ZNF175: variants seen among roughly 807,000 people sequenced by gnomAD.
The protein encoded by ZNF175 is zinc finger protein 175.
ZNF175 carries 8 observed loss-of-function variants against 14.0 expected under a neutral mutation model. The observed-to-expected ratio is 0.57, with a 90% CI of 0.34 to 1.03. The LOEUF (loss-of-function observed/expected upper bound fraction) is 1.03. Ranked by LOEUF, ZNF175 falls within the 50% of genes least tolerant of loss-of-function variation. ZNF175 has a pLI of 0.03. For synonymous variants in ZNF175, 255 were observed against 296.8 expected (o/e 0.86, Z 1.45); for missense variants, 764 against 849.5 (o/e 0.90, Z 1.25).
rs78781060 is a variant in ZNF175, at chr19:51,579,477, A to G, written c.73-1914A>G. On this transcript the variant is annotated intron_variant, in intron 2 of 4. Transcript: ENST00000262259. ...TGTTTTTTAACCCAGTAGAAAACTG[A>G]AGAAGAGACTTGCTTGAATAGGCTG... Among the ~76,000 whole-genome samples, 594 of 152,166 alleles carry G rather than the reference A, an allele frequency of 3.9e-3. 27 individuals are homozygous for G. In the East Asian group the frequency reaches 0.079, roughly 20 times the overall value.
At chr19:51,577,795 C>T (rs1443645599) in intron 2 of ZNF175, among the ~76,000 whole-genome samples, 1 of 151,560 alleles carries the variant, frequency 6.6e-6, no homozygotes, top group Non-Finnish European at 1.5e-5. Flanking sequence ...TCCCGAGTAG[C>T]TGGGACTAAA....
chr19:51,574,461 G>A (rs1245296045), intron 2 of ZNF175, among the ~76,000 whole-genome samples: 1 of 152,184 alleles, frequency 6.6e-6, no homozygotes, highest in African/African-American at 2.4e-5. Context: ...GATCACTTGA[G>A]CCCAGGAGTT....
intron 2 of ZNF175, among the ~76,000 whole-genome samples, chr19:51,575,035 T>A (rs982030931): frequency 1.4e-4 from 22 of 152,242 alleles, no homozygotes; most frequent in Non-Finnish European, 2.8e-4. Context: ...TATTTTTATC[T>A]TTTCTAATGT....
At chr19:51,585,515 T>C (rs957021016) in intron 4 of ZNF175, among the ~76,000 whole-genome samples, 1 of 152,080 alleles carries the variant, frequency 6.6e-6, no homozygotes, top group African/African-American at 2.4e-5. Context: ...AAAAGTGTCC[T>C]TTTTTTAAAA....
intron 2 of ZNF175, among the ~76,000 whole-genome samples, chr19:51,577,060 C>T (rs985988243): frequency 1.3e-5 from 2 of 151,988 alleles, no homozygotes; most frequent in African/African-American, 4.8e-5. Context: ...AAAACGAAAA[C>T]AAAAGACCTG....
In ZNF175 at chr19:51,587,504, T is replaced by C; in HGVS notation, c.1173T>C (p.Tyr391=). ...HQRTHSREKL[Y]ECSECGKGFS... ...GAACTCACAGTAGAGAAAAACTCTA[T>C]GAATGCAGTGAATGTGGCAAAGGCT... The change falls in exon 5 of 5, where the codon TAT becomes TAC. Residue 391 remains tyrosine, a synonymous_variant. Coordinates refer to ENST00000262259, the MANE Select transcript of ZNF175 (RefSeq NM_007147.4). 6.2e-7 allele frequency: 1 copy of C among 1,614,192 alleles called. No homozygotes were observed. The highest frequency in any genetic ancestry group is 2.2e-5 in the East Asian group (1 of 44,886).
intron 4 of ZNF175, among the ~76,000 whole-genome samples, chr19:51,582,866 T>G (rs781046999): frequency 1.3e-5 from 2 of 152,056 alleles, no homozygotes; most frequent in Non-Finnish European, 1.5e-5. Context: ...CATCTTTTCT[T>G]TTTTTTGAGG....
At position 51,587,719 on chromosome 19, in the gene ZNF175, T is replaced by G; in HGVS notation, c.1388T>G (p.Ile463Ser). Residue 463 changes from isoleucine to serine, a missense_variant, in exon 5 of 5, where the codon ATT becomes AGT. By Grantham distance (142) the Ile-to-Ser change is moderately radical. Coordinates refer to ENST00000262259, the MANE Select transcript of ZNF175 (RefSeq NM_007147.4). ...GQAFIQKAHL[I>S]VHQRSHTGEK... Reference sequence around the variant, plus strand: ...GCCTTCATCCAGAAGGCACACCTGATTGTCCATCAAAGAAGCCACACAGGA... The same window carrying G: ...GCCTTCATCCAGAAGGCACACCTGAGTGTCCATCAAAGAAGCCACACAGGA... 6.2e-7 allele frequency: 1 copy of G among 1,614,068 alleles called. No individual in the cohort carries two copies.
intron 4 of ZNF175, among the ~76,000 whole-genome samples, chr19:51,586,043 T>C (rs1205266051): frequency 6.6e-6 from 1 of 152,178 alleles, no homozygotes; most frequent in Non-Finnish European, 1.5e-5. Context: ...TTAATAGTTT[T>C]CAGAAGGATA....
Position 51,588,658 on chromosome 19 carries a change from A to G in ZNF175, c.*191A>G, listed in dbSNP as rs1982259482. On this transcript the variant is annotated 3_prime_UTR_variant, in exon 5 of 5. Coordinates refer to ENST00000262259, the MANE Select transcript of ZNF175 (RefSeq NM_007147.4). ...TATTTTAGTGAGGGCAATTACAGAGAAAAGAGTAAGCAGAAATGTCCTTCT... is the reference window on the plus strand; with the variant it reads ...TATTTTAGTGAGGGCAATTACAGAGGAAAGAGTAAGCAGAAATGTCCTTCT... 1.7e-6 allele frequency: 1 copy of G among 593,280 alleles called. No homozygotes were observed. Among genetic ancestry groups the G allele is most frequent in the Non-Finnish European group, 2.7e-6 (1 of 367,818 alleles). 36.8% of individuals were successfully genotyped at this position (593,280 alleles called of 1,614,324 possible).
chr19:51,584,067 C>T (rs527467189), intron 4 of ZNF175, among the ~76,000 whole-genome samples: 9 of 152,212 alleles, frequency 5.9e-5, no homozygotes, highest in South Asian at 4.1e-4. Context: ...TTCAAAAGAA[C>T]GGAGATTGTA....
Position 51,587,033 on chromosome 19 carries a change from C to T in ZNF175, c.702C>T (p.Ser234=). 1 of 1,614,168 alleles carries T rather than the reference C, an allele frequency of 6.2e-7. No homozygotes were observed. The highest frequency in any genetic ancestry group is 8.5e-7 in the Non-Finnish European group (1 of 1,180,006). ...DDVVGSGQLF[S]HSSSDACSKN... is the part of the protein sequence containing the mutation. ...TTGTTGGGTCTGGTCAGCTATTCAG[C>T]CATAGCTCTTCTGATGCCTGCAGCA... Residue 234 remains serine, a synonymous_variant, in exon 5 of 5, where the codon AGC becomes AGT. Transcript: ENST00000262259.
chr19:51,586,938 G>A lies in ZNF175; in HGVS notation c.607G>A (p.Glu203Lys), dbSNP rs75421648. 5,494 of 1,614,154 alleles carry A rather than the reference G, an allele frequency of 3.4e-3. 193 individuals are homozygous for A. The East Asian group carries it at 0.084, about 25-fold the overall frequency. Residue 203 changes from glutamate (E) to lysine (K), a missense_variant, in exon 5 of 5, where the codon GAA becomes AAA. By Grantham distance (56) the Glu-to-Lys change is moderately conservative. Coordinates refer to ENST00000262259, the MANE Select transcript of ZNF175 (RefSeq NM_007147.4). ...KQPQKCCLFT[E>K]SLKLNLEVNG... ...ACCTCAGAAATGTTGCTTATTTACA[G>A]AAAGTTTGAAGCTGAACCTAGAAGT...
At chr19:51,578,773 C>T (rs1325848320) in intron 2 of ZNF175, among the ~76,000 whole-genome samples, 2 of 151,870 alleles carry the variant, frequency 1.3e-5, no homozygotes, top group African/African-American at 4.8e-5. Flanking sequence ...TCTCAAAAAA[C>T]AAAAACAAAA....
In ZNF175 at chr19:51,586,875, A is replaced by G. The variant is rs775319399; in HGVS notation, c.544A>G (p.Ile182Val). Residue 182 changes from isoleucine (I) to valine (V), a missense_variant, in exon 5 of 5, where the codon ATT (isoleucine) becomes GTT (valine). By Grantham distance (29) the Ile-to-Val change is conservative. Coordinates refer to ENST00000262259, the MANE Select transcript of ZNF175 (RefSeq NM_007147.4). ...NCEYKDPGKM[I>V]RTRPHLASSQ... Reference sequence around the variant, plus strand: ...TGAATATAAGGACCCTGGGAAAATGATTCGCACGAGGCCCCACCTTGCTTC... The same window carrying G: ...TGAATATAAGGACCCTGGGAAAATGGTTCGCACGAGGCCCCACCTTGCTTC... 96 of 1,614,102 alleles carry G rather than the reference A, an allele frequency of 5.9e-5. 1 individual carries two copies. Among genetic ancestry groups the G allele is most frequent in the Non-Finnish European group, 8.1e-5 (96 of 1,180,036 alleles).
Position 51,588,139 on chromosome 19 carries a change from A to G in ZNF175, c.1808A>G (p.His603Arg), listed in dbSNP as rs1982235270. The G allele has an allele frequency of 6.2e-7, 1 of 1,614,204 alleles. No individual in the cohort carries two copies. Among genetic ancestry groups the G allele is most frequent in the African/African-American group, 1.3e-5 (1 of 75,056 alleles). ...GCCTTCAACGGCAGGTCAAATTTCC[A>G]TAAACATCAAATAACTCACACTAGA... ...GKAFNGRSNF[H>R]KHQITHTRER... Residue 603 changes from histidine to arginine, a missense_variant, in exon 5 of 5, where the codon CAT (histidine) becomes CGT (arginine). Coordinates refer to ENST00000262259, the MANE Select transcript of ZNF175 (RefSeq NM_007147.4).
At chr19:51,573,432 C>T (rs765888528) in intron 2 of ZNF175, 31 bp downstream of exon 2, 3 of 1,609,838 alleles carry the variant, frequency 1.9e-6, no homozygotes, top group East Asian at 2.2e-5. Context: ...GGATAGTTCT[C>T]CAGAACGTGA....
Position 51,581,397 on chromosome 19 carries a change from G to A in ZNF175, c.79G>A (p.Val27Met), listed in dbSNP as rs1328905470. Reference sequence around the variant, plus strand: ...CTGGGGTACACTGTTACAGGCATCAGTGTCATTTGAGGACGTGACCGTGGA... The same window carrying A: ...CTGGGGTACACTGTTACAGGCATCAATGTCATTTGAGGACGTGACCGTGGA... ...EKQDGSCEASVSFEDVTVDFS... is the reference protein window; with the variant it reads ...EKQDGSCEASMSFEDVTVDFS... The change falls in exon 3 of 5, where the codon GTG (valine) becomes ATG (methionine). Residue 27 changes from valine (V) to methionine (M), a missense_variant. Coordinates refer to ENST00000262259, the MANE Select transcript of ZNF175 (RefSeq NM_007147.4). 6.2e-7 allele frequency: 1 copy of A among 1,614,162 alleles called. No homozygotes were observed. The highest frequency in any genetic ancestry group is 1.1e-5 in the South Asian group (1 of 91,084).
chr19:51,581,608 T>C (rs1213682522), intron 3 of ZNF175, 91 bp downstream of exon 3: 3 of 1,546,404 alleles, frequency 1.9e-6, no homozygotes, highest in Non-Finnish European at 2.6e-6. Context: ...TATCAAAGTA[T>C]GTCATGACTC....
Sources: allele counts gnomAD v4.1 joint callset (sites outside exome capture counted in the v4.1 genomes callset), GRCh38; gene constraint gnomAD v4.1.1; transcripts MANE v1.5; gene names NCBI Gene and HGNC (gene_info 2026-07-23, HGNC 2026-07-21).